The following CEP120 variants were observed in gnomAD, a reference collection of about 807,000 sequenced individuals.
The protein encoded by CEP120 is centrosomal protein of 120 kDa.
In CEP120, 113 loss-of-function variants were observed where a neutral mutation model predicts 126.5. That is an observed-to-expected ratio of 0.89 (90% confidence interval 0.77 to 1.04). The LOEUF is 1.04. Among genes scored for constraint, CEP120 ranks in the 50% least tolerant of loss-of-function variants. The pLI is 0.00. For synonymous variants in CEP120, 400 were observed against 394.3 expected (o/e 1.01, Z -0.17); for missense variants, 1,230 against 1,155.7 (o/e 1.06, Z -0.93).
intron 18 of CEP120, 22 bp from the exon 19 acceptor site, chr5:123,350,111 A>T: frequency 3.8e-6 from 6 of 1,588,952 alleles, no homozygotes; most frequent in Non-Finnish European, 5.1e-6. Context: ...CAAAGAAACA[A>T]GTCATATCCT....
At chr5:123,422,418 T>C in intron 1 of CEP120, 4 of 1,155,386 alleles carry the variant, frequency 3.5e-6, no homozygotes, top group Non-Finnish European at 5.0e-6. Flanking sequence ...GCACAGTGTC[T>C]GACACTCAAT....
At chr5:123,349,659 C>T (rs1769069675) in intron 19 of CEP120, among the ~76,000 whole-genome samples, 1 of 151,966 alleles carries the variant, frequency 6.6e-6, no homozygotes, top group Admixed American at 6.6e-5. Flanking sequence ...TTAGATTTGA[C>T]ACAAGGTCTC....
chr5:123,408,622 T>C (rs1773850792), intron 4 of CEP120, among the ~76,000 whole-genome samples: 1 of 152,096 alleles, frequency 6.6e-6, no homozygotes, highest in East Asian at 1.9e-4. Context: ...ATTGAGTCAA[T>C]AATCAATAAC....
intron 5 of CEP120, among the ~76,000 whole-genome samples, chr5:123,397,585 A>G (rs1250490690): frequency 6.6e-6 from 1 of 152,254 alleles, no homozygotes; most frequent in Admixed American, 6.5e-5. Flanking sequence ...GAGGAAATTT[A>G]CAGTACCAAA....
intron 5 of CEP120, among the ~76,000 whole-genome samples, chr5:123,398,559 G>A (rs951081677): frequency 2.0e-4 from 30 of 152,066 alleles, no homozygotes; most frequent in Admixed American, 3.9e-4. Context: ...CAACCACCTG[G>A]GCCCCTCTGT....
chr5:123,382,527 C>A (rs894245538), intron 13 of CEP120, among the ~76,000 whole-genome samples: 1 of 152,002 alleles, frequency 6.6e-6, no homozygotes, highest in East Asian at 1.9e-4. Context: ...TAATCATGAA[C>A]AAAGTTTACA....
intron 1 of CEP120, among the ~76,000 whole-genome samples, chr5:123,420,566 G>A (rs977428943): frequency 1.3e-5 from 2 of 152,152 alleles, no homozygotes; most frequent in Admixed American, 6.5e-5. Flanking sequence ...CTACCACAAA[G>A]GGCCATGTAT....
chr5:123,361,235 T>C (rs1770055478), intron 18 of CEP120, among the ~76,000 whole-genome samples: 1 of 151,874 alleles, frequency 6.6e-6, no homozygotes, highest in Non-Finnish European at 1.5e-5. Flanking sequence ...ATTTGAATCA[T>C]TTTCTCTTTG....
intron 6 of CEP120, among the ~76,000 whole-genome samples, chr5:123,392,812 T>C (rs964300574): frequency 2.0e-5 from 3 of 152,190 alleles, no homozygotes; most frequent in African/African-American, 4.8e-5. Flanking sequence ...GCTCCACCAA[T>C]GTTTGCTTTT....
intron 4 of CEP120, among the ~76,000 whole-genome samples, chr5:123,408,525 T>C (rs114873674): frequency 0.016 from 2,405 of 152,140 alleles, 68 homozygotes; most frequent in African/African-American, 0.055. Flanking sequence ...CTAGATGAAA[T>C]AGACCAATTC....
chr5:123,377,262 T>C, intron 16 of CEP120, 112 bp downstream of exon 16: 1 of 923,138 alleles, frequency 1.1e-6, no homozygotes, highest in Non-Finnish European at 1.7e-6. Context: ...ATATGATTAA[T>C]AGTCTAAATT....
chr5:123,421,031 A>C (rs1053102211), intron 1 of CEP120, among the ~76,000 whole-genome samples: 1 of 152,188 alleles, frequency 6.6e-6, no homozygotes, highest in African/African-American at 2.4e-5. Flanking sequence ...TTGTGGAAAC[A>C]ACCTAACAGA....
At chr5:123,347,893 C>A (rs1019187631) in intron 19 of CEP120, among the ~76,000 whole-genome samples, 7 of 150,438 alleles carry the variant, frequency 4.7e-5, no homozygotes, top group Admixed American at 4.0e-4. Context: ...ACTCTCTTAA[C>A]CACTTCTTGG....
intron 1 of CEP120, chr5:123,422,527 G>C: frequency 2.0e-6 from 3 of 1,535,594 alleles, no homozygotes; most frequent in Non-Finnish European, 2.6e-6. Context: ...CCTCCAGCAA[G>C]ACGTGTAAAG....
At chr5:123,403,610 C>T (rs1007571389) in intron 4 of CEP120, 2 of 333,170 alleles carry the variant, frequency 6.0e-6, no homozygotes, top group Admixed American at 9.4e-5. Context: ...AGCAAGTTTA[C>T]AGTTGAGAGC....
At chr5:123,411,324 C>T (rs1302145234) in intron 4 of CEP120, among the ~76,000 whole-genome samples, 2 of 152,174 alleles carry the variant, frequency 1.3e-5, no homozygotes, top group Admixed American at 6.5e-5. Context: ...TGACTGCAAT[C>T]CTGGATATTT....
intron 17 of CEP120, among the ~76,000 whole-genome samples, chr5:123,366,769 A>G (rs954934510): frequency 6.6e-5 from 10 of 151,912 alleles, no homozygotes; most frequent in African/African-American, 2.2e-4. Context: ...AAATAAATCT[A>G]TAGTAGCTAC....
intron 14 of CEP120, 78 bp downstream of exon 14, chr5:123,382,033 A>G (rs1771681384): frequency 2.0e-6 from 2 of 991,904 alleles, no homozygotes; most frequent in African/African-American, 1.6e-5. Context: ...TTCCTTCCAG[A>G]GACTGTCTTT....
intron 14 of CEP120, among the ~76,000 whole-genome samples, chr5:123,380,660 C>A (rs1771574164): frequency 6.6e-6 from 1 of 152,012 alleles, no homozygotes; most frequent in South Asian, 2.1e-4. Context: ...TCAAGTATTT[C>A]CCGATTTGAA....
Sources: allele counts gnomAD v4.1 joint callset (sites outside exome capture counted in the v4.1 genomes callset), GRCh38; gene constraint gnomAD v4.1.1; transcripts MANE v1.5; gene names NCBI Gene and HGNC (gene_info 2026-07-23, HGNC 2026-07-21).